HDLBP: variants seen among roughly 807,000 people sequenced by gnomAD.
The protein encoded by HDLBP is high density lipoprotein binding protein.
In HDLBP, 30 loss-of-function variants were observed where a neutral mutation model predicts 137.3. The observed-to-expected ratio is 0.22, with a 90% CI of 0.16 to 0.30. The LOEUF is 0.30. Among genes scored for constraint, HDLBP ranks in the 10% least tolerant of loss-of-function variants. HDLBP has a pLI of 1.00. For missense variants in HDLBP, 1,119 were observed against 1,667.3 expected, an observed-to-expected ratio of 0.67 and a Z score of 5.73; for synonymous variants, 606 against 596.0, an observed-to-expected ratio of 1.02 and a Z score of -0.24.
At chr2:241,273,443 T>C in intron 1 of HDLBP, 1 of 412,218 alleles carries the variant, frequency 2.4e-6, no homozygotes, top group South Asian at 1.0e-4. Flanking sequence ...AGAACCGGTG[T>C]GTGGCCTCTG....
intron 1 of HDLBP, among the ~76,000 whole-genome samples, chr2:241,276,986 TAAA>T (rs757786857): frequency 3.9e-5 from 5 of 129,846 alleles, no homozygotes; most frequent in Admixed American, 1.5e-4. Context: ...GGCCAGGAGC[TAAA>T]AAAAAAAAAA....
Position 241,235,258 on chromosome 2 carries a change from A to G in HDLBP, c.3010-3T>C. The G allele has an allele frequency of 6.2e-7, 1 of 1,614,162 alleles. No homozygotes were observed. Among genetic ancestry groups the G allele is most frequent in the South Asian group, 1.1e-5 (1 of 91,080 alleles). On this transcript the variant is annotated splice_region_variant and splice_polypyrimidine_tract_variant and intron_variant, in intron 22 of 27. Coordinates refer to ENST00000310931, the MANE Select transcript of HDLBP (RefSeq NM_005336.6). ...GGTGCCGGGACATGTATGTTCACCT[A>G]CGTGAAGAGGGGGCTGACTTGACGT...
rs893248197 is a variant in HDLBP at position 241,272,914 on chromosome 2, C to T, written c.-102-4373G>A. On this transcript the variant is annotated intron_variant, in intron 1 of 27. Coordinates refer to ENST00000310931, the MANE Select transcript of HDLBP (RefSeq NM_005336.6). The surrounding 1 kb of genome is among the most constrained non-coding windows in gnomAD (Gnocchi z 5.6). ...ACACGTCAGCGCCCGCCCGCCCCGC[C>T]GCTGGGGTCCCCGCCGCCCCGGGCC... 2.8e-5 allele frequency: 19 copies of T among 673,158 alleles called. No individual in the cohort carries two copies. Among genetic ancestry groups the T allele is most frequent in the East Asian group, 2.7e-4 (2 of 7,416 alleles). 41.7% of individuals were successfully genotyped at this position (673,158 alleles called of 1,614,324 possible).
intron 1 of HDLBP, among the ~76,000 whole-genome samples, chr2:241,307,874 ATTT>A (rs202170688): frequency 7.1e-6 from 1 of 141,296 alleles, no homozygotes. Flanking sequence ...CCTTGAACTA[ATTT>A]TTTTTTTTTT....
chr2:241,314,971 G>A (rs1291570543), intron 1 of HDLBP: 1 of 152,144 alleles, frequency 6.6e-6, no homozygotes, highest in Non-Finnish European at 1.5e-5. Flanking sequence ...AGGACACCCC[G>A]GGCCGGGGCA....
intron 1 of HDLBP, among the ~76,000 whole-genome samples, chr2:241,287,552 C>T (rs1447189892): frequency 6.6e-6 from 1 of 151,932 alleles, no homozygotes; most frequent in Non-Finnish European, 1.5e-5. Flanking sequence ...TCCCAAGTAG[C>T]TGGACTACAG....
Position 241,247,139 on chromosome 2 carries a change from C to G in HDLBP, c.1735G>C (p.Glu579Gln). Residue 579 changes from glutamate to glutamine, a missense_variant, in exon 15 of 28, where the codon GAA (glutamate) becomes CAA (glutamine). Physicochemically the swap from Glu to Gln is conservative, Grantham distance 29 (BLOSUM62 2). This residue lies in a region of HDLBP where 425 missense variants were observed against 693.9 expected (regional missense o/e 0.61). Transcript: ENST00000310931. ...GGAACAGAAATTGAATAGCTATTTT[C>G]CACCTTAAAGACAAAAAACACAGCC... ...YMQKMVADLV[E>Q]NSYSISVPIF... 6.2e-7 allele frequency: 1 copy of G among 1,606,200 alleles called. No individual in the cohort carries two copies. Among genetic ancestry groups the G allele is most frequent in the Non-Finnish European group, 8.5e-7 (1 of 1,172,770 alleles).
In HDLBP at chr2:241,256,717, A is replaced by T; in HGVS notation, c.540T>A (p.Thr180=). The T allele has an allele frequency of 6.2e-7, 1 of 1,614,210 alleles. No individual in the cohort carries two copies. Among genetic ancestry groups the T allele is most frequent in the Non-Finnish European group, 8.5e-7 (1 of 1,180,036 alleles). Residue 180 remains threonine (T), a synonymous_variant, in exon 6 of 28, where the codon ACT becomes ACA. Coordinates refer to ENST00000310931, the MANE Select transcript of HDLBP (RefSeq NM_005336.6). Reference sequence around the variant, plus strand: ...GGCGTGGGATCTGGATTTTGGTTGCAGTTTTTAGCTCCAAGTCTTGCAGTT... The same window carrying T: ...GGCGTGGGATCTGGATTTTGGTTGCTGTTTTTAGCTCCAAGTCTTGCAGTT... ...GEKLQDLELK[T]ATKIQIPRPD...
chr2:241,271,938 C>T (rs947746604), intron 1 of HDLBP: 1 of 152,454 alleles, frequency 6.6e-6, no homozygotes, highest in African/African-American at 2.4e-5. Context: ...AGTCGGCACC[C>T]ATCCTGCATG....
chr2:241,253,161 C>T, intron 10 of HDLBP, 126 bp from the exon 11 acceptor site: 1 of 690,662 alleles, frequency 1.4e-6, no homozygotes, highest in South Asian at 1.7e-5. Context: ...TTGGAGACTG[C>T]CCCTGCATCT....
intron 1 of HDLBP, among the ~76,000 whole-genome samples, chr2:241,291,013 T>G (rs1298556320): frequency 6.6e-6 from 1 of 152,242 alleles, no homozygotes; most frequent in Non-Finnish European, 1.5e-5. Context: ...AGACACATGC[T>G]AAGTGTTTGT....
chr2:241,244,266 C>T (rs1486516337), intron 16 of HDLBP, among the ~76,000 whole-genome samples: 1 of 152,142 alleles, frequency 6.6e-6, no homozygotes, highest in Non-Finnish European at 1.5e-5. Flanking sequence ...GACGGGGAGA[C>T]AGCAAGGGGC....
At position 241,227,959 on chromosome 2, in the gene HDLBP, C is replaced by T. The variant is rs1405738313; in HGVS notation, c.*1642G>A. On this transcript the variant is annotated 3_prime_UTR_variant, in exon 28 of 28. Coordinates refer to ENST00000310931, the MANE Select transcript of HDLBP (RefSeq NM_005336.6). ...CTGGAAGCTATATTCCTTCCAATCC[C>T]AATTTACCATTCCTGTAAACAGGCC... 1 of 152,246 alleles carries T rather than the reference C, an allele frequency of 6.6e-6. No homozygotes were observed. Among genetic ancestry groups the T allele is most frequent in the Admixed American group, 6.5e-5 (1 of 15,282 alleles). 9.4% of individuals were successfully genotyped at this position (152,246 alleles called of 1,614,324 possible). A position where few individuals can be genotyped will look rare whatever the true frequency, so the allele number is the denominator to read the frequency against.
Position 241,259,019 on chromosome 2 carries a change from G to A in HDLBP, c.451-2213C>T, listed in dbSNP as rs76023047. On this transcript the variant is annotated intron_variant, in intron 5 of 27. Transcript: ENST00000310931. ...AAAACAGGAAATAGCATATGCACAC[G>A]ATTGCTACTGTAACATAATTTGTAA... Among the ~76,000 whole-genome samples, 11 of 152,272 alleles carry A rather than the reference G, an allele frequency of 7.2e-5. No homozygotes were observed. In the East Asian group the frequency reaches 1.4e-3, roughly 19 times the overall value.
rs1449803905 is a variant in HDLBP, at chr2:241,262,828, A to G, written c.333T>C (p.Thr111=). ...CCAAAGACAGCTCCAAGTGAGCACC[A>G]GTTCTCTGCATGATCTCAAGGCAGA... is the stretch of plus-strand genomic sequence containing the variant. The part of the protein sequence containing the change: ...AKICLEIMQR[T]GAHLELSLAK... The change falls in exon 5 of 28, where the codon ACT becomes ACC. Residue 111 remains threonine, a synonymous_variant. Coordinates refer to ENST00000310931, the MANE Select transcript of HDLBP (RefSeq NM_005336.6). The G allele has an allele frequency of 1.2e-6, 2 of 1,614,166 alleles. No homozygotes were observed. Among genetic ancestry groups the G allele is most frequent in the Non-Finnish European group, 1.7e-6 (2 of 1,179,994 alleles).
intron 1 of HDLBP, among the ~76,000 whole-genome samples, chr2:241,311,200 G>T (rs980471252): frequency 6.6e-6 from 1 of 152,126 alleles, no homozygotes; most frequent in Non-Finnish European, 1.5e-5. Context: ...ACACACAAAG[G>T]CTCTAAAAAT....
In HDLBP at chr2:241,233,361, G is replaced by A. The variant is rs750689494; in HGVS notation, c.3288+459C>T. ...GGCAGGGGGGTGGCACTGCAATTTG[G>A]AGGAAGTAACAACAAGAGTTTACTA... On this transcript the variant is annotated intron_variant, in intron 24 of 27. Transcript: ENST00000310931. The surrounding 1 kb of genome is among the most constrained non-coding windows in gnomAD (Gnocchi z 4.3). 3.9e-5 allele frequency among the ~76,000 whole-genome samples: 6 copies of A among 152,296 alleles called. No homozygotes were observed. In the East Asian group the frequency reaches 7.7e-4, roughly 20 times the overall value.
Position 241,228,698 on chromosome 2 carries a change from G to C in HDLBP, c.*903C>G, listed in dbSNP as rs1226164218. The C allele has an allele frequency of 6.5e-6, 1 of 152,896 alleles. No individual in the cohort carries two copies. Among genetic ancestry groups the C allele is most frequent in the Non-Finnish European group, 1.5e-5 (1 of 68,186 alleles). The allele number at this position is 152,896 out of a possible 1,614,324, so 9.5% of individuals were successfully genotyped here. A position where few individuals can be genotyped will look rare whatever the true frequency, so the allele number is the denominator to read the frequency against. On this transcript the variant is annotated 3_prime_UTR_variant, in exon 28 of 28. Coordinates refer to ENST00000310931, the MANE Select transcript of HDLBP (RefSeq NM_005336.6). ...CACTCCACGCCGGCTGAGGTAGAAA[G>C]AAGGCAACTGAACACACAGCAGCTA... is the stretch of plus-strand genomic sequence containing the variant.
intron 5 of HDLBP, among the ~76,000 whole-genome samples, chr2:241,260,873 C>A (rs939501167): frequency 6.6e-6 from 1 of 152,140 alleles, no homozygotes; most frequent in African/African-American, 2.4e-5. Flanking sequence ...AACCTACGGT[C>A]CCCACTAATC....
Sources: allele counts gnomAD v4.1 joint callset (sites outside exome capture counted in the v4.1 genomes callset), GRCh38; gene constraint gnomAD v4.1.1; regional missense constraint gnomAD v4.1.1; non-coding constraint Gnocchi (gnomAD v3.1); transcripts MANE v1.5; gene names NCBI Gene and HGNC (gene_info 2026-07-23, HGNC 2026-07-21).